The following FMNL2 variants were observed in gnomAD, a reference collection of about 807,000 sequenced individuals.
FMNL2 encodes formin like 2, also known as formin-like protein 2.
Under a neutral mutation model 130.2 loss-of-function variants are expected in FMNL2, and 51 were observed. That is an observed-to-expected ratio of 0.39 (90% CI 0.31 to 0.49). The LOEUF is 0.49. FMNL2 is among the 20% of genes least tolerant of loss of function. The probability of loss-of-function intolerance (pLI) is 0.85; values close to 1 mark genes in which losing one functional copy is unlikely to be tolerated. For synonymous variants in FMNL2, 465 were observed against 467.1 expected, an observed-to-expected ratio of 1.00 and a Z score of 0.06; for missense variants, 977 against 1,316.2, an observed-to-expected ratio of 0.74 and a Z score of 3.99.
intron 1 of FMNL2, among the ~76,000 whole-genome samples, chr2:152,512,068 G>T (rs1467256536): frequency 6.6e-6 from 1 of 152,138 alleles, no homozygotes; most frequent in Non-Finnish European, 1.5e-5. Context: ...TTGGCCTCAT[G>T]TTGTCTAATC....
intron 25 of FMNL2, chr2:152,643,459 T>G (rs1319171632): frequency 1.5e-5 from 23 of 1,536,040 alleles, no homozygotes; most frequent in Non-Finnish European, 1.9e-5. Context: ...CCGCCAAGCG[T>G]GGCTCTCGGT....
chr2:152,552,783 A>T (rs1220129476), intron 4 of FMNL2, among the ~76,000 whole-genome samples: 1 of 152,212 alleles, frequency 6.6e-6, no homozygotes, highest in Non-Finnish European at 1.5e-5. Flanking sequence ...CAGTGTGAGT[A>T]GGCAGATGCC....
At chr2:152,500,351 G>A (rs1310096169) in intron 1 of FMNL2, among the ~76,000 whole-genome samples, 2 of 152,078 alleles carry the variant, frequency 1.3e-5, no homozygotes, top group Non-Finnish European at 2.9e-5. Context: ...AAAATTTATT[G>A]GTGGGAAAAA....
Position 152,558,806 on chromosome 2 carries a change from T to C in FMNL2, c.426T>C (p.Phe142=). 6.2e-7 allele frequency: 1 copy of C among 1,613,566 alleles called. No homozygotes were observed. Among genetic ancestry groups the C allele is most frequent in the Non-Finnish European group, 8.5e-7 (1 of 1,179,750 alleles). The change falls in exon 5 of 26, where the codon TTT becomes TTC. Residue 142 remains phenylalanine (F), a synonymous_variant. Coordinates refer to ENST00000288670, the MANE Select transcript of FMNL2 (RefSeq NM_052905.4). ...GLDVLVEYLS[F]AQYAVTFDFE... ...ATGTTCTAGTGGAATATCTCTCATTTGCACAGTACGCGGTAACGTAAGTAA... is the reference window on the plus strand; with the variant it reads ...ATGTTCTAGTGGAATATCTCTCATTCGCACAGTACGCGGTAACGTAAGTAA...
At chr2:152,373,296 G>A (rs1244767395) in intron 1 of FMNL2, among the ~76,000 whole-genome samples, 1 of 152,116 alleles carries the variant, frequency 6.6e-6, no homozygotes, top group Admixed American at 6.6e-5. Flanking sequence ...GAAGTCTGGT[G>A]GTCCCTGATG....
chr2:152,480,416 C>T (rs1690434071), intron 1 of FMNL2, among the ~76,000 whole-genome samples: 1 of 151,930 alleles, frequency 6.6e-6, no homozygotes, highest in Non-Finnish European at 1.5e-5. Flanking sequence ...GGATCACCTG[C>T]GGTCGGAGTC....
intron 1 of FMNL2, among the ~76,000 whole-genome samples, chr2:152,424,727 T>TC (rs1214120245): frequency 2.6e-5 from 4 of 152,154 alleles, no homozygotes. Context: ...GTTATGCCCC[T>TC]CCATTTGCTT....
chr2:152,595,626 G>A (rs1236394437), intron 9 of FMNL2, among the ~76,000 whole-genome samples: 1 of 152,054 alleles, frequency 6.6e-6, no homozygotes, highest in Non-Finnish European at 1.5e-5. Flanking sequence ...GCCCATGATT[G>A]TTTGATATTA....
chr2:152,448,204 TAA>T (rs70974863), intron 1 of FMNL2, among the ~76,000 whole-genome samples: 1 of 146,030 alleles, frequency 6.8e-6, no homozygotes, highest in Non-Finnish European at 1.5e-5. Flanking sequence ...GCTGATTTCT[TAA>T]AAAAAAAAAA....
Position 152,477,285 on chromosome 2 carries a change from C to T in FMNL2, c.118-44658C>T, listed in dbSNP as rs35804350. 2.2e-4 allele frequency among the ~76,000 whole-genome samples: 34 copies of T among 152,256 alleles called. No individual in the cohort carries two copies. In the South Asian group the frequency reaches 6.8e-3, roughly 31 times the overall value. The stretch of plus-strand genomic sequence containing the variant: ...TAGAGACGAGCTTACTCATCATTAG[C>T]CTTCACTTTTGGAGCTAGAGTTTTT... On this transcript the variant is annotated intron_variant, in intron 1 of 25. Coordinates refer to ENST00000288670, the MANE Select transcript of FMNL2 (RefSeq NM_052905.4).
chr2:152,339,832 C>G (rs1681696529), intron 1 of FMNL2, among the ~76,000 whole-genome samples: 1 of 151,962 alleles, frequency 6.6e-6, no homozygotes, highest in Non-Finnish European at 1.5e-5. Context: ...TTTACATGTT[C>G]TCATTTAATG....
intron 12 of FMNL2, among the ~76,000 whole-genome samples, chr2:152,615,326 T>G (rs1393128186): frequency 6.6e-6 from 1 of 152,118 alleles, no homozygotes; most frequent in African/African-American, 2.4e-5. Flanking sequence ...AGAGGGAAAT[T>G]AAATATGAGA....
intron 21 of FMNL2, among the ~76,000 whole-genome samples, chr2:152,633,501 T>C (rs1194567257): frequency 6.6e-6 from 1 of 152,158 alleles, no homozygotes; most frequent in Admixed American, 6.5e-5. Flanking sequence ...AGTGAACAAA[T>C]GAATGAATGA....
At chr2:152,620,442 T>G (rs2105899662) in intron 15 of FMNL2, among the ~76,000 whole-genome samples, 1 of 152,270 alleles carries the variant, frequency 6.6e-6, no homozygotes, top group Admixed American at 6.5e-5. Flanking sequence ...TTGTTTTGAC[T>G]CACGGAAACA....
intron 6 of FMNL2, among the ~76,000 whole-genome samples, chr2:152,567,305 C>T (rs1318346779): frequency 1.3e-5 from 2 of 152,160 alleles, no homozygotes; most frequent in African/African-American, 4.8e-5. Context: ...TTGCTCCATT[C>T]AAAAAGTATG....
chr2:152,351,601 T>G (rs1682489011), intron 1 of FMNL2, among the ~76,000 whole-genome samples: 1 of 152,232 alleles, frequency 6.6e-6, no homozygotes, highest in Admixed American at 6.5e-5. Flanking sequence ...CAGTCTATCA[T>G]TGATGGGCAT....
At chr2:152,564,776 G>GTTTTTTTTTTTTTTT (rs56378937) in intron 6 of FMNL2, among the ~76,000 whole-genome samples, 1 of 79,324 alleles carries the variant, frequency 1.3e-5, no homozygotes, top group Non-Finnish European at 2.4e-5. Flanking sequence ...TACAAGGTTG[G>GTTTTTTTTTTTTTTT]TTTTTTTTTT....
At chr2:152,502,345 G>T (rs1337484906) in intron 1 of FMNL2, among the ~76,000 whole-genome samples, 2 of 152,186 alleles carry the variant, frequency 1.3e-5, no homozygotes, top group Non-Finnish European at 2.9e-5. Flanking sequence ...TTTCACAATG[G>T]TCTATGAGAG....
chr2:152,542,353 A>T (rs1410754299), intron 2 of FMNL2, among the ~76,000 whole-genome samples: 4 of 152,260 alleles, frequency 2.6e-5, no homozygotes, highest in Non-Finnish European at 2.9e-5. Flanking sequence ...TCAAAAGAAT[A>T]TGCAAAAGAT....
Sources: allele counts gnomAD v4.1 joint callset (sites outside exome capture counted in the v4.1 genomes callset), GRCh38; gene constraint gnomAD v4.1.1; transcripts MANE v1.5; gene names NCBI Gene and HGNC (gene_info 2026-07-23, HGNC 2026-07-21).